Variants in ZNF521 observed in about 807,000 individuals in gnomAD.
The protein encoded by ZNF521 is LYST-interacting protein 3.
Under a neutral mutation model 105.5 loss-of-function variants are expected in ZNF521, and 14 were observed. That is an observed-to-expected ratio of 0.13 (90% CI 0.09 to 0.21). The LOEUF is 0.21. Among genes scored for constraint, ZNF521 ranks in the 10% least tolerant of loss-of-function variants. The pLI is 1.00. For synonymous variants in ZNF521, 635 were observed against 606.0 expected (o/e 1.05, Z -0.70); for missense variants, 1,233 against 1,629.7 (o/e 0.76, Z 4.19).
At position 25,254,781 on chromosome 18, in the gene ZNF521, T is replaced by G. The variant is rs138737524; in HGVS notation, c.221-27084A>C. On this transcript the variant is annotated intron_variant, in intron 3 of 7. Coordinates refer to ENST00000361524, the MANE Select transcript of ZNF521 (RefSeq NM_015461.3). ...TCCGCTGAGGTTTATGTAGCTTGTT[T>G]GATTACAGATCTTTGTCCCCAGATT... Among the ~76,000 whole-genome samples the G allele has an allele frequency of 8.2e-3, 1,243 of 152,272 alleles. 6 individuals carry two copies. The highest frequency in any genetic ancestry group is 0.014 in the Middle Eastern group (4 of 294).
At chr18:25,130,031 G>A (rs1392000641) in intron 5 of ZNF521, among the ~76,000 whole-genome samples, 1 of 152,124 alleles carries the variant, frequency 6.6e-6, no homozygotes, top group Non-Finnish European at 1.5e-5. Context: ...ACAAAAACCT[G>A]CACACGAATG....
At chr18:25,324,735 T>C (rs1913117237) in intron 2 of ZNF521, among the ~76,000 whole-genome samples, 1 of 152,174 alleles carries the variant, frequency 6.6e-6, no homozygotes, top group South Asian at 2.1e-4. Flanking sequence ...ATACTTTAAG[T>C]ACTATACAGA....
rs775878324 is a variant in ZNF521, at chr18:25,224,882, G to C, written c.3036C>G (p.Asp1012Glu). 1 of 1,614,028 alleles carries C rather than the reference G, an allele frequency of 6.2e-7. No homozygotes were observed. Among genetic ancestry groups the C allele is most frequent in the Non-Finnish European group, 8.5e-7 (1 of 1,180,018 alleles). Residue 1012 changes from aspartate to glutamate, a missense_variant, in exon 4 of 8, where the codon GAC (aspartate) becomes GAG (glutamate). Around this residue, in one of 6 missense-constraint regions of ZNF521, gnomAD observed 614 missense variants for 751.5 expected, o/e 0.82. Coordinates refer to ENST00000361524, the MANE Select transcript of ZNF521 (RefSeq NM_015461.3). Reference sequence around the variant, plus strand: ...GAAAGCCTGTCAGGGAATTCCTCAAGTCAGGGTGCATTTGGCAATGCTCTA... The same window carrying C: ...GAAAGCCTGTCAGGGAATTCCTCAACTCAGGGTGCATTTGGCAATGCTCTA... ...EFLEHCQMHP[D>E]LRNSLTGFRC...
rs1441407514 is a variant in ZNF521, at chr18:25,226,196, A to G, written c.1722T>C (p.Val574=). The part of the protein sequence containing the change: ...YCTNSPIFNS[V]LKLNKHIKEN... The stretch of plus-strand genomic sequence containing the variant: ...CTTTGATATGCTTGTTCAGTTTAAG[A>G]ACGCTGTTGAATATTGGCGAATTTG... The change falls in exon 4 of 8, where the codon GTT becomes GTC. Residue 574 remains valine, a synonymous_variant. Coordinates refer to ENST00000361524, the MANE Select transcript of ZNF521 (RefSeq NM_015461.3). The surrounding 1 kb of genome is among the most constrained non-coding windows in gnomAD (Gnocchi z 4.1). 7 of 1,614,024 alleles carry G rather than the reference A, an allele frequency of 4.3e-6. No homozygotes were observed. Among genetic ancestry groups the G allele is most frequent in the African/African-American group, 1.3e-5 (1 of 74,918 alleles).
chr18:25,297,490 G>C (rs1911389906), intron 3 of ZNF521, among the ~76,000 whole-genome samples: 1 of 152,102 alleles, frequency 6.6e-6, no homozygotes, highest in African/African-American at 2.4e-5. Flanking sequence ...AGGGTGCTTT[G>C]AAATTTTTTG....
intron 5 of ZNF521, among the ~76,000 whole-genome samples, chr18:25,138,301 C>T (rs896384395): frequency 1.3e-5 from 2 of 152,114 alleles, no homozygotes; most frequent in African/African-American, 4.8e-5. Context: ...TGAAGGAAAA[C>T]AAATATCGGA....
intron 3 of ZNF521, among the ~76,000 whole-genome samples, chr18:25,318,957 AAAAAAAAGAAAAG>A (rs1181056765): frequency 2.2e-5 from 2 of 89,468 alleles, no homozygotes; most frequent in East Asian, 2.7e-4. Flanking sequence ...AAAAAGAAAA[AAAAAAAAGAAAAG>A]AAAAGAAAAA....
intron 5 of ZNF521, among the ~76,000 whole-genome samples, chr18:25,181,221 C>T (rs941975579): frequency 2.0e-5 from 3 of 152,170 alleles, no homozygotes; most frequent in Non-Finnish European, 2.9e-5. Flanking sequence ...TCTTCCTCTT[C>T]GCTTAGGTCT....
intron 5 of ZNF521, among the ~76,000 whole-genome samples, chr18:25,138,026 C>T (rs2034769687): frequency 6.6e-6 from 1 of 152,084 alleles, no homozygotes. Flanking sequence ...TAAGGACTTC[C>T]ACACAGACAT....
intron 3 of ZNF521, among the ~76,000 whole-genome samples, chr18:25,289,785 G>C (rs562973300): frequency 6.6e-6 from 1 of 152,070 alleles, no homozygotes; most frequent in Non-Finnish European, 1.5e-5. Context: ...AAATTGGGGG[G>C]AAAATTATTT....
chr18:25,295,078 A>G (rs1346836023), intron 3 of ZNF521, among the ~76,000 whole-genome samples: 2 of 152,002 alleles, frequency 1.3e-5, no homozygotes, highest in Non-Finnish European at 2.9e-5. Context: ...AGCACCTAAA[A>G]CGTCCTCAAG....
chr18:25,077,185 TACAAGGGTCACATG>T (rs2033381895), intron 7 of ZNF521, among the ~76,000 whole-genome samples: 1 of 152,182 alleles, frequency 6.6e-6, no homozygotes, highest in African/African-American at 2.4e-5. Flanking sequence ...CAGCTCTGAA[TACAAGGGTCACATG>T]GCAAGGAAAG....
At chr18:25,328,396 AG>A (rs1337586570) in intron 2 of ZNF521, among the ~76,000 whole-genome samples, 3 of 128,632 alleles carry the variant, frequency 2.3e-5, no homozygotes, top group Admixed American at 1.7e-4. Context: ...GCCTTAGGGG[AG>A]GTTAAACACA....
intron 7 of ZNF521, among the ~76,000 whole-genome samples, chr18:25,087,944 G>A (rs1006990801): frequency 6.6e-6 from 1 of 152,138 alleles, no homozygotes; most frequent in Non-Finnish European, 1.5e-5. Context: ...AAGATAAACT[G>A]CAAATTCCTT....
intron 3 of ZNF521, among the ~76,000 whole-genome samples, chr18:25,289,812 C>A (rs1206664959): frequency 6.6e-6 from 1 of 152,044 alleles, no homozygotes; most frequent in Non-Finnish European, 1.5e-5. Flanking sequence ...TTTAAAAATG[C>A]GGCTAGCTAG....
chr18:25,159,387 G>A (rs2035208356), intron 5 of ZNF521, among the ~76,000 whole-genome samples: 1 of 152,134 alleles, frequency 6.6e-6, no homozygotes, highest in African/African-American at 2.4e-5. Context: ...AAGAAATTGT[G>A]ATCTAAAGAA....
intron 7 of ZNF521, among the ~76,000 whole-genome samples, chr18:25,080,319 C>G (rs2033465250): frequency 6.6e-6 from 1 of 152,206 alleles, no homozygotes; most frequent in Non-Finnish European, 1.5e-5. Context: ...AGTTGCTGTT[C>G]TAAATGACAG....
At chr18:25,065,226 A>G (rs1439572812) in intron 7 of ZNF521, among the ~76,000 whole-genome samples, 1 of 152,226 alleles carries the variant, frequency 6.6e-6, no homozygotes, top group African/African-American at 2.4e-5. Flanking sequence ...AGAAGATACG[A>G]TAATACAGAT....
chr18:25,299,286 C>T (rs1311991931), intron 3 of ZNF521, among the ~76,000 whole-genome samples: 1 of 152,166 alleles, frequency 6.6e-6, no homozygotes, highest in Non-Finnish European at 1.5e-5. Flanking sequence ...CCAACATGTT[C>T]GTGCTACAAA....
Sources: gnomAD v4.1 joint callset for allele counts (sites outside exome capture counted in the v4.1 genomes callset) on GRCh38, gnomAD v4.1.1 for gene constraint, gnomAD v4.1.1 regional missense constraint, Gnocchi (gnomAD v3.1) non-coding constraint, MANE v1.5 for transcripts, NCBI Gene and HGNC (gene_info 2026-07-23, HGNC 2026-07-21) for gene names.